ICA1: variants seen among roughly 807,000 people sequenced by gnomAD.
ICA1 encodes 69 kDa islet cell autoantigen.
A neutral mutation model predicts 71.0 loss-of-function variants in ICA1; 40 were observed. The ratio of observed to expected loss-of-function variants is 0.56; its 90% CI spans 0.44 to 0.73. ICA1 has a LOEUF of 0.73. Ranked by LOEUF, ICA1 falls within the 30% of genes least tolerant of loss-of-function variation. The pLI is 0.00. For synonymous variants in ICA1, 207 were observed against 209.5 expected, an observed-to-expected ratio of 0.99 and a Z score of 0.10; for missense variants, 578 against 576.5, an observed-to-expected ratio of 1.00 and a Z score of -0.03.
chr7:8,128,243 G>C, intron 12 of ICA1, 101 bp from the exon 13 acceptor site: 1 of 1,169,920 alleles, frequency 8.5e-7, no homozygotes, highest in Non-Finnish European at 1.2e-6. Flanking sequence ...TTGATGGCTA[G>C]ATTTAAGAAA....
rs74428707 is a variant in ICA1 at position 8,202,487 on chromosome 7, A to G, written c.579+15818T>C. On this transcript the variant is annotated intron_variant, in intron 6 of 13. Coordinates refer to ENST00000402384, the MANE Select transcript of ICA1 (RefSeq NM_001136020.3). ...TGTTATCACTTCTACTTTACATTCAATGTCAAAGTTTCTTTTATTCTGTTC... is the reference window on the plus strand; with the variant it reads ...TGTTATCACTTCTACTTTACATTCAGTGTCAAAGTTTCTTTTATTCTGTTC... 4.0e-3 allele frequency among the ~76,000 whole-genome samples: 602 copies of G among 152,336 alleles called. 1 individual carries two copies. Among genetic ancestry groups the G allele is most frequent in the Middle Eastern group, 0.014 (4 of 294 alleles).
At chr7:8,117,595 T>G (rs901679425) in intron 13 of ICA1, among the ~76,000 whole-genome samples, 1 of 152,252 alleles carries the variant, frequency 6.6e-6, no homozygotes, top group African/African-American at 2.4e-5. Context: ...GTTTGCTGAT[T>G]AAATGGATTG....
chr7:8,175,195 A>G (rs1167286674), intron 6 of ICA1, among the ~76,000 whole-genome samples: 1 of 152,132 alleles, frequency 6.6e-6, no homozygotes, highest in Non-Finnish European at 1.5e-5. Context: ...TCAAGGAGGG[A>G]GCAGGGTAGA....
intron 6 of ICA1, among the ~76,000 whole-genome samples, chr7:8,160,401 G>A (rs1047487943): frequency 6.6e-5 from 10 of 152,070 alleles, no homozygotes; most frequent in African/African-American, 1.9e-4. Flanking sequence ...TGAGGATTGC[G>A]AGGCTTCATC....
At chr7:8,230,048 T>C (rs6977682) in intron 3 of ICA1, among the ~76,000 whole-genome samples, 34,083 of 152,196 alleles carry the variant, frequency 0.22, 7,433 homozygotes, top group African/African-American at 0.57. Context: ...CTGTGAGTTA[T>C]GACAATTATA....
In ICA1 at chr7:8,157,192, T is replaced by C; in HGVS notation, c.728A>G (p.Glu243Gly). ...TYQTTLLHFW[E>G]KTSHTMAAIH... The stretch of plus-strand genomic sequence containing the variant: ...GGCTGCCATAGTGTGAGAAGTTTTC[T>C]CCCAAAAATGAAGCAGAGTGGTCTG... Residue 243 changes from glutamate to glycine, a missense_variant, in exon 8 of 14, where the codon GAG becomes GGG. By Grantham distance (98) the Glu-to-Gly change is moderately conservative (BLOSUM62 -2). Transcript: ENST00000402384. 2 of 1,605,946 alleles carry C rather than the reference T, an allele frequency of 1.2e-6. No individual in the cohort carries two copies. Among genetic ancestry groups the C allele is most frequent in the Non-Finnish European group, 1.7e-6 (2 of 1,177,626 alleles).
intron 6 of ICA1, among the ~76,000 whole-genome samples, chr7:8,191,120 G>A (rs943001743): frequency 3.9e-5 from 6 of 152,260 alleles, no homozygotes; most frequent in Admixed American, 6.5e-5. Flanking sequence ...CACTTTATAC[G>A]AGAGTAACTG....
chr7:8,136,893 A>AT (rs1232902156), intron 12 of ICA1, among the ~76,000 whole-genome samples: 1 of 152,212 alleles, frequency 6.6e-6, no homozygotes, highest in African/African-American at 2.4e-5. Context: ...TCATTCCAAC[A>AT]TATCTTGGCA....
At chr7:8,152,287 A>G (rs1799072935) in intron 8 of ICA1, among the ~76,000 whole-genome samples, 1 of 152,046 alleles carries the variant, frequency 6.6e-6, no homozygotes, top group Non-Finnish European at 1.5e-5. Context: ...TCTAGGGTGA[A>G]ATGGAGAGTG....
intron 13 of ICA1, among the ~76,000 whole-genome samples, chr7:8,124,413 C>G (rs1045572605): frequency 6.6e-6 from 1 of 151,260 alleles, no homozygotes; most frequent in Non-Finnish European, 1.5e-5. Context: ...GCCACCGCGC[C>G]CAGCCGTGTA....
At chr7:8,258,523 C>T (rs980355034) in intron 1 of ICA1, among the ~76,000 whole-genome samples, 1 of 152,194 alleles carries the variant, frequency 6.6e-6, no homozygotes, top group Admixed American at 6.5e-5. Flanking sequence ...GTGTATGCTT[C>T]ACCCACATCA....
At position 8,127,967 on chromosome 7, in the gene ICA1, C is replaced by T; in HGVS notation, c.1236G>A (p.Leu412=). The change falls in exon 13 of 14, where the codon CTG becomes CTA. Residue 412 remains leucine (L), a synonymous_variant. Coordinates refer to ENST00000402384, the MANE Select transcript of ICA1 (RefSeq NM_001136020.3). Reference sequence around the variant, plus strand: ...TCTGGGCCTTGGGGTCTGGCTCTCCCAGGGCCATAGTGGGCACTGGCTCCT... The same window carrying T: ...TCTGGGCCTTGGGGTCTGGCTCTCCTAGGGCCATAGTGGGCACTGGCTCCT... ...QVKEPVPTMA[L]GEPDPKAQTG... 2 of 1,614,226 alleles carry T rather than the reference C, an allele frequency of 1.2e-6. No individual in the cohort carries two copies. The highest frequency in any genetic ancestry group is 1.7e-6 in the Non-Finnish European group (2 of 1,180,044).
chr7:8,252,863 T>C (rs1439958710), intron 1 of ICA1, among the ~76,000 whole-genome samples: 1 of 152,120 alleles, frequency 6.6e-6, no homozygotes, highest in African/African-American at 2.4e-5. Context: ...CAATTTAATT[T>C]AAGCTGTTTC....
intron 8 of ICA1, among the ~76,000 whole-genome samples, chr7:8,152,796 TCCACCA>T (rs79753788): frequency 1.2e-4 from 6 of 49,632 alleles, no homozygotes; most frequent in East Asian, 5.7e-4. Flanking sequence ...CACCATCACC[TCCACCA>T]CCACCACCAC....
intron 13 of ICA1, among the ~76,000 whole-genome samples, chr7:8,121,906 A>T (rs1787112075): frequency 6.6e-6 from 1 of 152,226 alleles, no homozygotes; most frequent in African/African-American, 2.4e-5. Flanking sequence ...ACAGAAATTA[A>T]AAGTTAAAAT....
At chr7:8,261,984 AG>A (rs1257218821) in intron 1 of ICA1, 109 bp downstream of exon 1, 8 of 152,376 alleles carry the variant, frequency 5.3e-5, no homozygotes, top group Middle Eastern at 3.4e-3. Flanking sequence ...CGGAGGGCAG[AG>A]AAGGCAGCTC....
At chr7:8,172,699 T>C (rs1315947757) in intron 6 of ICA1, among the ~76,000 whole-genome samples, 1 of 152,200 alleles carries the variant, frequency 6.6e-6, no homozygotes, top group Non-Finnish European at 1.5e-5. Flanking sequence ...AGTGATCAGT[T>C]CTAGATTTGG....
chr7:8,191,097 C>T (rs971272668), intron 6 of ICA1, among the ~76,000 whole-genome samples: 3 of 152,170 alleles, frequency 2.0e-5, no homozygotes, highest in Non-Finnish European at 4.4e-5. Context: ...AGCTGTCCAT[C>T]GTTCCTGCCC....
chr7:8,146,874 A>G (rs1009727958), intron 8 of ICA1, among the ~76,000 whole-genome samples: 28 of 126,276 alleles, frequency 2.2e-4, no homozygotes, highest in African/African-American at 3.7e-4. Context: ...ACACACACAC[A>G]CACACACGCA....
Sources: allele counts gnomAD v4.1 joint callset (sites outside exome capture counted in the v4.1 genomes callset), GRCh38; gene constraint gnomAD v4.1.1; transcripts MANE v1.5; gene names NCBI Gene and HGNC (gene_info 2026-07-23, HGNC 2026-07-21).